MCTP1: variants seen among roughly 807,000 people sequenced by gnomAD.
MCTP1 encodes the protein multiple C2 and transmembrane domain containing 1.
Under a neutral mutation model 120.6 loss-of-function variants are expected in MCTP1, and 69 were observed. The observed-to-expected ratio is 0.57, with a 90% CI of 0.47 to 0.70. The LOEUF is 0.70. MCTP1 is among the 30% of genes least tolerant of loss of function. The pLI is 0.00. For missense variants in MCTP1, 1,203 were observed against 1,248.8 expected, an observed-to-expected ratio of 0.96 and a Z score of 0.55; for synonymous variants, 529 against 493.1, an observed-to-expected ratio of 1.07 and a Z score of -0.96.
chr5:94,905,697 G>A (rs959472182), intron 10 of MCTP1, among the ~76,000 whole-genome samples: 1 of 152,208 alleles, frequency 6.6e-6, no homozygotes, highest in African/African-American at 2.4e-5. Context: ...TGGGACTGAA[G>A]GTTAGAAGTT....
At chr5:94,805,349 G>T (rs1000439426) in intron 17 of MCTP1, among the ~76,000 whole-genome samples, 1 of 152,020 alleles carries the variant, frequency 6.6e-6, no homozygotes, top group Non-Finnish European at 1.5e-5. Context: ...TAAATAGGCC[G>T]GGCACTGTGG....
intron 17 of MCTP1, among the ~76,000 whole-genome samples, chr5:94,821,935 G>A (rs1455324127): frequency 2.0e-5 from 3 of 152,090 alleles, no homozygotes; most frequent in Non-Finnish European, 2.9e-5. Context: ...TGTGAATTAC[G>A]TTATACCATT....
At chr5:94,746,774 A>C (rs1289676246) in intron 19 of MCTP1, among the ~76,000 whole-genome samples, 1 of 152,194 alleles carries the variant, frequency 6.6e-6, no homozygotes, top group Admixed American at 6.5e-5. Flanking sequence ...ATCTCAATGC[A>C]CATAAGAAAC....
chr5:95,045,703 G>A (rs759207336), intron 1 of MCTP1, among the ~76,000 whole-genome samples: 13 of 152,100 alleles, frequency 8.5e-5, no homozygotes, highest in African/African-American at 1.7e-4. Context: ...CATTGGATAC[G>A]GAATTTGTAC....
chr5:94,920,558 C>CG (rs2153457811), intron 7 of MCTP1, among the ~76,000 whole-genome samples: 1 of 151,828 alleles, frequency 6.6e-6, no homozygotes, highest in East Asian at 1.9e-4. Flanking sequence ...CTGGCTAACA[C>CG]ATGAAACCCC....
intron 1 of MCTP1, among the ~76,000 whole-genome samples, chr5:95,150,505 T>C (rs1387266770): frequency 1.3e-5 from 2 of 152,240 alleles, no homozygotes; most frequent in African/African-American, 4.8e-5. Context: ...CTGGGAGGTT[T>C]TCTCATTAGC....
At chr5:95,245,613 G>A (rs2152687622) in intron 1 of MCTP1, among the ~76,000 whole-genome samples, 1 of 147,452 alleles carries the variant, frequency 6.8e-6, no homozygotes, top group Non-Finnish European at 1.5e-5. Context: ...AAAGCATGAA[G>A]ACAAGATTAG....
chr5:95,026,049 G>T (rs550787128), intron 1 of MCTP1, among the ~76,000 whole-genome samples: 18 of 152,068 alleles, frequency 1.2e-4, no homozygotes, highest in Non-Finnish European at 1.3e-4. Context: ...TGGTAAAATC[G>T]AAGTCGGGAA....
intron 17 of MCTP1, among the ~76,000 whole-genome samples, chr5:94,858,795 C>T (rs751453256): frequency 2.6e-5 from 4 of 151,692 alleles, no homozygotes; most frequent in Non-Finnish European, 4.4e-5. Context: ...ACACAATCTC[C>T]ACCTTTTAGG....
intron 2 of MCTP1, among the ~76,000 whole-genome samples, chr5:95,013,817 ATC>A (rs1562017582): frequency 2.0e-5 from 3 of 152,146 alleles, no homozygotes; most frequent in Non-Finnish European, 2.9e-5. Flanking sequence ...TCTGCAGCCC[ATC>A]GATCAAGGAG....
intron 1 of MCTP1, among the ~76,000 whole-genome samples, chr5:95,052,841 G>A (rs1377289907): frequency 2.0e-5 from 3 of 152,188 alleles, no homozygotes; most frequent in Non-Finnish European, 4.4e-5. Context: ...TAAAAAATAA[G>A]ACTGGGGTAG....
intron 1 of MCTP1, among the ~76,000 whole-genome samples, chr5:95,122,792 T>C (rs1194388999): frequency 3.3e-5 from 5 of 152,206 alleles, no homozygotes; most frequent in Admixed American, 6.5e-5. Flanking sequence ...GTGATACATA[T>C]ACACATAGAG....
At chr5:94,977,601 A>C (rs1439861756) in intron 2 of MCTP1, among the ~76,000 whole-genome samples, 2 of 152,188 alleles carry the variant, frequency 1.3e-5, no homozygotes, top group Non-Finnish European at 2.9e-5. Context: ...TTAAAACAGC[A>C]TGGTACTGTG....
At chr5:95,026,196 G>A (rs1186876723) in intron 1 of MCTP1, among the ~76,000 whole-genome samples, 3 of 151,684 alleles carry the variant, frequency 2.0e-5, no homozygotes, top group Admixed American at 2.0e-4. Flanking sequence ...GTATTTATGG[G>A]TTTCATGAGA....
At chr5:95,118,842 G>T (rs991534060) in intron 1 of MCTP1, among the ~76,000 whole-genome samples, 3 of 152,138 alleles carry the variant, frequency 2.0e-5, no homozygotes, top group Non-Finnish European at 2.9e-5. Context: ...TTTAACAATT[G>T]CAAATATACA....
At chr5:95,106,001 A>C (rs1221877244) in intron 1 of MCTP1, among the ~76,000 whole-genome samples, 4 of 152,176 alleles carry the variant, frequency 2.6e-5, no homozygotes, top group African/African-American at 9.7e-5. Flanking sequence ...GATCCCAAGG[A>C]AAGGAGGTTA....
intron 17 of MCTP1, among the ~76,000 whole-genome samples, chr5:94,844,817 A>T (rs1364040960): frequency 6.6e-6 from 1 of 151,984 alleles, no homozygotes; most frequent in Non-Finnish European, 1.5e-5. Flanking sequence ...ATCTTTTGAG[A>T]CTGTCTCCTT....
At chr5:95,088,557 C>A (rs771562878) in intron 1 of MCTP1, among the ~76,000 whole-genome samples, 2 of 152,128 alleles carry the variant, frequency 1.3e-5, no homozygotes, top group Non-Finnish European at 2.9e-5. Context: ...CTGATGCTTA[C>A]GGAGGTGAAG....
At chr5:95,275,237 G>A (rs1488633106) in intron 1 of MCTP1, among the ~76,000 whole-genome samples, 1 of 152,186 alleles carries the variant, frequency 6.6e-6, no homozygotes, top group East Asian at 1.9e-4. Flanking sequence ...AACCTATGAT[G>A]CTTTTAAAAA....
Sources: allele counts gnomAD v4.1 joint callset (sites outside exome capture counted in the v4.1 genomes callset), GRCh38; gene constraint gnomAD v4.1.1; transcripts MANE v1.5; gene names NCBI Gene and HGNC (gene_info 2026-07-23, HGNC 2026-07-21).